VAT1L: variants seen among roughly 807,000 people sequenced by gnomAD.
The protein encoded by VAT1L is putative NADPH-dependent quinone oxidoreductase VAT1L.
VAT1L carries 34 observed loss-of-function variants against 44.1 expected under a neutral mutation model. The ratio of observed to expected loss-of-function variants is 0.77; its 90% CI spans 0.59 to 1.03. The LOEUF is 1.03. Among genes scored for constraint, VAT1L ranks in the 50% least tolerant of loss-of-function variants. The pLI, the probability that VAT1L is intolerant of heterozygous loss-of-function variation, is 0.00. For missense variants in VAT1L, 615 were observed against 538.8 expected, an observed-to-expected ratio of 1.14 and a Z score of -1.40; for synonymous variants, 253 against 202.2, an observed-to-expected ratio of 1.25 and a Z score of -2.13.
chr16:77,859,815 G>C (rs1275312722), intron 3 of VAT1L, among the ~76,000 whole-genome samples: 1 of 152,178 alleles, frequency 6.6e-6, no homozygotes, highest in Non-Finnish European at 1.5e-5. Context: ...GAATGGTGCA[G>C]TCCATCCACT....
intron 7 of VAT1L, among the ~76,000 whole-genome samples, chr16:77,889,805 A>G (rs2017244458): frequency 6.6e-6 from 1 of 152,224 alleles, no homozygotes; most frequent in Non-Finnish European, 1.5e-5. Context: ...AGTGAATGTT[A>G]GCCAGGCGCA....
At chr16:77,873,468 T>C (rs1183559991) in intron 4 of VAT1L, among the ~76,000 whole-genome samples, 1 of 152,176 alleles carries the variant, frequency 6.6e-6, no homozygotes. Flanking sequence ...CTTTCATTCA[T>C]TCAGTTACCC....
chr16:77,914,782 G>A (rs1050061444), intron 7 of VAT1L, among the ~76,000 whole-genome samples: 1 of 152,162 alleles, frequency 6.6e-6, no homozygotes, highest in Non-Finnish European at 1.5e-5. Context: ...TGTTATCATA[G>A]ATCAAATATC....
intron 3 of VAT1L, among the ~76,000 whole-genome samples, chr16:77,839,403 G>A (rs997030801): frequency 6.6e-6 from 1 of 151,772 alleles, no homozygotes; most frequent in Non-Finnish European, 1.5e-5. Flanking sequence ...GGGCGTGGTG[G>A]TGGGCACCTG....
intron 2 of VAT1L, among the ~76,000 whole-genome samples, chr16:77,824,057 C>T (rs939273587): frequency 1.3e-5 from 2 of 152,076 alleles, no homozygotes; most frequent in Non-Finnish European, 2.9e-5. Flanking sequence ...AAAAACCTCG[C>T]ATGAGGAGGA....
intron 7 of VAT1L, among the ~76,000 whole-genome samples, chr16:77,908,657 C>T (rs8058992): frequency 0.84 from 126,956 of 151,816 alleles, 53,290 homozygotes; most frequent in South Asian, 0.96. Context: ...GACTCACGCC[C>T]GTAATCTCAG....
At chr16:77,967,055 T>G (rs1389577091) in intron 7 of VAT1L, among the ~76,000 whole-genome samples, 1 of 151,786 alleles carries the variant, frequency 6.6e-6, no homozygotes, top group Non-Finnish European at 1.5e-5. Flanking sequence ...TTCTGGGCAC[T>G]GTCACCCCCG....
At chr16:77,969,594 G>A (rs1011183232) in intron 7 of VAT1L, among the ~76,000 whole-genome samples, 2 of 152,086 alleles carry the variant, frequency 1.3e-5, no homozygotes, top group Non-Finnish European at 2.9e-5. Context: ...GTTAGAGAAA[G>A]AGGGACTGCA....
rs2016836013 is a variant in VAT1L, at chr16:77,854,291, T to C, written c.580-8457T>C. 1.3e-5 allele frequency among the ~76,000 whole-genome samples: 2 copies of C among 152,210 alleles called. 1 individual carries two copies. The highest frequency in any genetic ancestry group is 4.1e-4 in the South Asian group (2 of 4,834). On this transcript the variant is annotated intron_variant, in intron 3 of 8. Transcript: ENST00000302536. ...CCTGTGTGTCACAGCGCATATCACGTGTAGGTCAACAGCTTTGCAGTGACA... is the reference window on the plus strand; with the variant it reads ...CCTGTGTGTCACAGCGCATATCACGCGTAGGTCAACAGCTTTGCAGTGACA...
rs369734113 is a variant in VAT1L at position 77,873,508 on chromosome 16, G to T, written c.723-2862G>T. On this transcript the variant is annotated intron_variant, in intron 4 of 8. Transcript: ENST00000302536. ...ATTGAAACACTTGTGCATTCCTCTG[G>T]TCAATCACTATTTCTTGAGAAGCAA... Among the ~76,000 whole-genome samples the T allele has an allele frequency of 9.3e-4, 142 of 152,160 alleles. 3 individuals carry two copies. In the South Asian group the frequency reaches 0.028, roughly 30 times the overall value.
intron 7 of VAT1L, among the ~76,000 whole-genome samples, chr16:77,971,294 G>T (rs1207570237): frequency 6.6e-6 from 1 of 152,168 alleles, no homozygotes; most frequent in Non-Finnish European, 1.5e-5. Context: ...AAAGAAACAG[G>T]AGGCCCTCTT....
chr16:77,807,701 T>A (rs997356534), intron 1 of VAT1L, among the ~76,000 whole-genome samples: 1 of 152,146 alleles, frequency 6.6e-6, no homozygotes, highest in African/African-American at 2.4e-5. Flanking sequence ...CAAGCTTATA[T>A]CTGTTGAGCA....
intron 7 of VAT1L, among the ~76,000 whole-genome samples, chr16:77,926,877 G>A (rs1429196646): frequency 2.6e-5 from 4 of 152,046 alleles, no homozygotes; most frequent in Non-Finnish European, 4.4e-5. Flanking sequence ...AAGAGACTCT[G>A]GCTTCTTGGG....
At chr16:77,923,363 T>C (rs2017632947) in intron 7 of VAT1L, among the ~76,000 whole-genome samples, 2 of 152,046 alleles carry the variant, frequency 1.3e-5, no homozygotes, top group South Asian at 2.1e-4. Flanking sequence ...GGCAGGAGAA[T>C]AGCTTGAACC....
At chr16:77,947,900 C>A (rs971757283) in intron 7 of VAT1L, among the ~76,000 whole-genome samples, 1 of 152,142 alleles carries the variant, frequency 6.6e-6, no homozygotes, top group African/African-American at 2.4e-5. Context: ...GCTAGGATTA[C>A]AGGCATGTGC....
At chr16:77,914,648 G>A (rs1160141345) in intron 7 of VAT1L, among the ~76,000 whole-genome samples, 7 of 152,058 alleles carry the variant, frequency 4.6e-5, no homozygotes, top group Non-Finnish European at 7.4e-5. Flanking sequence ...CCATAGATCA[G>A]TTATCAGTCA....
chr16:77,954,259 G>C (rs931461289), intron 7 of VAT1L, among the ~76,000 whole-genome samples: 1 of 152,168 alleles, frequency 6.6e-6, no homozygotes, highest in Non-Finnish European at 1.5e-5. Context: ...TTGTAGTCAC[G>C]GCTATCTGCT....
chr16:77,824,770 AT>A (rs1307492064), intron 2 of VAT1L, among the ~76,000 whole-genome samples: 2 of 148,774 alleles, frequency 1.3e-5, no homozygotes, highest in African/African-American at 2.5e-5. Flanking sequence ...AAAAAAAAAA[AT>A]GATTGTGATA....
At chr16:77,836,038 A>G (rs564871981) in intron 3 of VAT1L, among the ~76,000 whole-genome samples, 2 of 152,270 alleles carry the variant, frequency 1.3e-5, no homozygotes, top group Admixed American at 6.5e-5. Context: ...CTTCATCTGT[A>G]TAGTGGAGGT....
Sources: gnomAD v4.1 joint callset for allele counts (sites outside exome capture counted in the v4.1 genomes callset) on GRCh38, gnomAD v4.1.1 for gene constraint, MANE v1.5 for transcripts, NCBI Gene and HGNC (gene_info 2026-07-23, HGNC 2026-07-21) for gene names.